RIC1: variants seen among roughly 807,000 people sequenced by gnomAD.
The protein encoded by RIC1 is guanine nucleotide exchange factor subunit RIC1.
Under a neutral mutation model 169.0 loss-of-function variants are expected in RIC1, and 88 were observed. That is an observed-to-expected ratio of 0.52 (90% CI 0.44 to 0.62). The LOEUF is 0.62. Ranked by LOEUF, RIC1 falls within the 20% of genes least tolerant of loss-of-function variation. RIC1 has a pLI of 0.00. For missense variants in RIC1, 1,877 were observed against 1,725.5 expected (o/e 1.09, Z -1.56); for synonymous variants, 790 against 601.5 (o/e 1.31, Z -4.59).
intron 2 of RIC1, among the ~76,000 whole-genome samples, chr9:5,682,974 C>G (rs1018009923): frequency 1.3e-5 from 2 of 152,214 alleles, no homozygotes; most frequent in Non-Finnish European, 2.9e-5. Flanking sequence ...GAGGCTTGCG[C>G]ATTCGTCACG....
intron 2 of RIC1, among the ~76,000 whole-genome samples, chr9:5,657,091 T>C (rs929321394): frequency 2.0e-5 from 3 of 152,182 alleles, no homozygotes; most frequent in Non-Finnish European, 4.4e-5. Flanking sequence ...GTTCTCACTT[T>C]ACTGTTTTGT....
intron 2 of RIC1, among the ~76,000 whole-genome samples, chr9:5,684,437 T>C (rs1159358942): frequency 6.6e-6 from 1 of 152,136 alleles, no homozygotes; most frequent in Non-Finnish European, 1.5e-5. Context: ...GTATTTTTAC[T>C]TTCAGCACTG....
intron 6 of RIC1, among the ~76,000 whole-genome samples, chr9:5,729,049 G>A (rs552338607): frequency 1.3e-5 from 2 of 152,152 alleles, no homozygotes; most frequent in South Asian, 4.2e-4. Context: ...TCTGTCTCCA[G>A]TGTTCCTTGG....
At position 5,641,071 on chromosome 9, in the gene RIC1, T is replaced by C. The variant is rs571247320; in HGVS notation, c.144+11618T>C. On this transcript the variant is annotated intron_variant, in intron 1 of 25. Transcript: ENST00000414202. ...AAAGAAACTATCCTTTGAGAGTTTG[T>C]TTATAGATGCCATAAGGTAGTCTTC... Among the ~76,000 whole-genome samples, 46 of 151,656 alleles carry C rather than the reference T, an allele frequency of 3.0e-4. No homozygotes were observed. The South Asian group carries it at 3.1e-3, about 10-fold the overall frequency.
At position 5,701,006 on chromosome 9, in the gene RIC1, G is replaced by C. The variant is rs140622017; in HGVS notation, c.332+10968G>C. Among the ~76,000 whole-genome samples, 4 of 152,188 alleles carry C rather than the reference G, an allele frequency of 2.6e-5. No homozygotes were observed. The East Asian group carries it at 7.7e-4, about 29-fold the overall frequency. On this transcript the variant is annotated intron_variant, in intron 3 of 25. Transcript: ENST00000414202. ...GTTCAGATTCTTCTCAGAATCGTAT[G>C]GTCAAAGTCTGGTGTTTAATTTCCC...
chr9:5,747,536 T>C (rs1384640851), intron 12 of RIC1, 31 bp downstream of exon 12: 1 of 1,548,358 alleles, frequency 6.5e-7, no homozygotes, highest in South Asian at 1.1e-5. Context: ...TACTAGAGAC[T>C]TATTCTTTGA....
At chr9:5,759,210 C>T (rs572714421) in intron 17 of RIC1, among the ~76,000 whole-genome samples, 25 of 152,118 alleles carry the variant, frequency 1.6e-4, no homozygotes, top group Admixed American at 5.2e-4. Flanking sequence ...ATTTAAAAAT[C>T]ATTTTGCAGT....
Position 5,629,453 on chromosome 9 carries a change from A to G in RIC1, c.144A>G (p.Arg48=). The change falls in exon 1 of 26, where the codon CGA becomes CGG. Residue 48 remains arginine, a splice_region_variant and synonymous_variant. Coordinates refer to ENST00000414202, the MANE Select transcript of RIC1 (RefSeq NM_020829.4). ...AAARLSIWYS[R]PSVLIVTYKE... is the part of the protein sequence containing the mutation. ...CCCGCCTCAGCATCTGGTACAGCCG[A>G]GTAAGTAGAGCCGCCCGCCGCCTTT... 1.3e-6 allele frequency: 2 copies of G among 1,529,214 alleles called. No homozygotes were observed. 94.7% of individuals were successfully genotyped at this position (1,529,214 alleles called of 1,614,324 possible). A position where few individuals can be genotyped will look rare whatever the true frequency, so the allele number is the denominator to read the frequency against.
chr9:5,773,565 T>C (rs1033971089), intron 25 of RIC1, among the ~76,000 whole-genome samples: 3 of 152,244 alleles, frequency 2.0e-5, no homozygotes, highest in African/African-American at 4.8e-5. Context: ...ATGTGTGTAT[T>C]TGGAGCTAGT....
intron 1 of RIC1, among the ~76,000 whole-genome samples, chr9:5,653,451 T>C (rs894193254): frequency 1.2e-4 from 18 of 152,244 alleles, no homozygotes; most frequent in African/African-American, 4.3e-4. Context: ...ACTTTGTTGA[T>C]AGCCAGAAAA....
intron 2 of RIC1, among the ~76,000 whole-genome samples, chr9:5,669,850 G>T (rs1819988405): frequency 6.6e-6 from 1 of 152,172 alleles, no homozygotes; most frequent in South Asian, 2.1e-4. Context: ...TAAAACAACA[G>T]GATTCTTGCT....
chr9:5,665,129 CTCT>C (rs1819676429), intron 2 of RIC1, among the ~76,000 whole-genome samples: 2 of 152,090 alleles, frequency 1.3e-5, no homozygotes, highest in Admixed American at 1.3e-4. Context: ...GGACATTTAG[CTCT>C]TCTTGTTGAA....
chr9:5,638,818 T>G (rs1818098941), intron 1 of RIC1, among the ~76,000 whole-genome samples: 1 of 152,230 alleles, frequency 6.6e-6, no homozygotes, highest in Admixed American at 6.5e-5. Flanking sequence ...AGTTAATTTA[T>G]TTCTGCTCCA....
chr9:5,732,572 A>C, intron 7 of RIC1, 93 bp downstream of exon 7: 1 of 688,284 alleles, frequency 1.5e-6, no homozygotes, highest in South Asian at 2.2e-5. Flanking sequence ...TAACATACTT[A>C]TAAACTGCAT....
intron 1 of RIC1, among the ~76,000 whole-genome samples, chr9:5,643,358 C>G (rs75323721): frequency 0.024 from 3,687 of 151,986 alleles, 166 homozygotes; most frequent in African/African-American, 0.085. Context: ...TACTGAGAAC[C>G]AGGAGTTTGA....
intron 12 of RIC1, among the ~76,000 whole-genome samples, chr9:5,751,391 T>A (rs1825715865): frequency 6.6e-6 from 1 of 151,868 alleles, no homozygotes; most frequent in South Asian, 2.1e-4. Flanking sequence ...AGTCTCACTC[T>A]GTTGCCCAGG....
At position 5,738,545 on chromosome 9, in the gene RIC1, CTTTT is replaced by C. The variant is rs74310870; in HGVS notation, c.901+25_901+28del. The C allele has an allele frequency of 1.5e-3, 1,193 of 812,450 alleles. No individual in the cohort carries two copies. Among genetic ancestry groups the C allele is most frequent in the Admixed American group, 2.0e-3 (53 of 26,942 alleles). The allele number at this position is 812,450 out of a possible 1,614,324, so 50.3% of individuals were successfully genotyped here. The stretch of plus-strand genomic sequence containing the variant: ...ACAGCAAAACAGTATCCTGGTGAGT[CTTTT>C]TTTTTTTTTTTTTTTTTAACATTTT... On this transcript the variant is annotated splice_region_variant and intron_variant, in intron 8 of 25. Coordinates refer to ENST00000414202, the MANE Select transcript of RIC1 (RefSeq NM_020829.4).
chr9:5,749,254 A>T (rs1825579063), intron 12 of RIC1, among the ~76,000 whole-genome samples: 1 of 152,214 alleles, frequency 6.6e-6, no homozygotes, highest in Non-Finnish European at 1.5e-5. Flanking sequence ...TTGAGCTAAA[A>T]CTTAGAATTC....
At chr9:5,744,563 C>T (rs939328898) in intron 10 of RIC1, among the ~76,000 whole-genome samples, 2 of 151,942 alleles carry the variant, frequency 1.3e-5, no homozygotes, top group Non-Finnish European at 2.9e-5. Context: ...CACAGAATTC[C>T]CTTATGTTTT....
Sources: gnomAD v4.1 joint callset for allele counts (sites outside exome capture counted in the v4.1 genomes callset) on GRCh38, gnomAD v4.1.1 for gene constraint, MANE v1.5 for transcripts, NCBI Gene and HGNC (gene_info 2026-07-23, HGNC 2026-07-21) for gene names.